PRKAR2A: variants seen among roughly 807,000 people sequenced by gnomAD.
The protein encoded by PRKAR2A is protein kinase cAMP-dependent type II regulatory subunit alpha.
Under a neutral mutation model 51.9 loss-of-function variants are expected in PRKAR2A, and 29 were observed. That is an observed-to-expected ratio of 0.56 (90% CI 0.42 to 0.76). The LOEUF (loss-of-function observed/expected upper bound fraction) is 0.76, where lower values mean the gene tolerates loss of function less well. Ranked by LOEUF, PRKAR2A falls within the 30% of genes least tolerant of loss-of-function variation. The pLI is 0.00. For synonymous variants in PRKAR2A, 178 were observed against 186.2 expected (o/e 0.96, Z 0.36); for missense variants, 445 against 512.1 (o/e 0.87, Z 1.26).
At chr3:48,791,936 A>G (rs1239880850) in intron 3 of PRKAR2A, among the ~76,000 whole-genome samples, 1 of 142,540 alleles carries the variant, frequency 7.0e-6, no homozygotes, top group Non-Finnish European at 1.5e-5. Context: ...AAAAAAAGAT[A>G]GTGTTAAATA....
intron 6 of PRKAR2A, among the ~76,000 whole-genome samples, chr3:48,766,488 C>T (rs952827065): frequency 6.6e-6 from 1 of 151,876 alleles, no homozygotes; most frequent in Non-Finnish European, 1.5e-5. Flanking sequence ...ATCACTTGAG[C>T]TCAGGAGGCT....
intron 1 of PRKAR2A, among the ~76,000 whole-genome samples, chr3:48,838,249 G>C (rs2083316394): frequency 6.6e-6 from 1 of 152,076 alleles, no homozygotes. Context: ...AAATGGTAGA[G>C]ACAAAAGTAG....
intron 1 of PRKAR2A, among the ~76,000 whole-genome samples, chr3:48,830,344 T>C (rs1359049454): frequency 6.6e-6 from 1 of 152,172 alleles, no homozygotes; most frequent in East Asian, 1.9e-4. Flanking sequence ...GGAAGGTCTT[T>C]AGGGGCAAAA....
At chr3:48,800,908 C>T (rs892774767) in intron 2 of PRKAR2A, among the ~76,000 whole-genome samples, 2 of 152,014 alleles carry the variant, frequency 1.3e-5, no homozygotes, top group African/African-American at 2.4e-5. Flanking sequence ...CTCCCGACCT[C>T]GTGATCCACC....
Position 48,847,095 on chromosome 3 carries a change from G to A in PRKAR2A, c.262+240C>T, listed in dbSNP as rs1001680323. ...CCGACAGCGCGCACGTTTCCTTCAAGGCTGGATCTGACAAATCACTCGGTG... is the reference window on the plus strand; with the variant it reads ...CCGACAGCGCGCACGTTTCCTTCAAAGCTGGATCTGACAAATCACTCGGTG... On this transcript the variant is annotated intron_variant, in intron 1 of 10. Transcript: ENST00000265563. The surrounding 1 kb of genome is among the most constrained non-coding windows in gnomAD (Gnocchi z 4.4). 2.6e-5 allele frequency among the ~76,000 whole-genome samples: 4 copies of A among 152,236 alleles called. No homozygotes were observed. Among genetic ancestry groups the A allele is most frequent in the African/African-American group, 9.6e-5 (4 of 41,470 alleles).
intron 1 of PRKAR2A, among the ~76,000 whole-genome samples, chr3:48,835,129 G>A (rs1343343048): frequency 6.6e-6 from 1 of 151,990 alleles, no homozygotes; most frequent in African/African-American, 2.4e-5. Flanking sequence ...ACACCACCAC[G>A]CCTGCAAATT....
In PRKAR2A at chr3:48,796,666, C is replaced by CG. The variant is rs1175449895; in HGVS notation, c.299-2618dup. Among the ~76,000 whole-genome samples the CG allele has an allele frequency of 8.6e-5, 9 of 104,048 alleles. No homozygotes were observed. In the Admixed American group the frequency reaches 1.0e-3, roughly 12 times the overall value. The allele number at this position is 104,048 out of a possible 152,430, so 68.3% of individuals were successfully genotyped here. On this transcript the variant is annotated intron_variant, in intron 2 of 10. Transcript: ENST00000265563. The stretch of plus-strand genomic sequence containing the variant: ...CTAATTTTTATATTTTTAGTAGAGA[C>CG]GGGGTTTTTTTTTTTTTTTTGCCAT...
intron 2 of PRKAR2A, among the ~76,000 whole-genome samples, chr3:48,799,841 T>G (rs2082557176): frequency 6.6e-6 from 1 of 152,188 alleles, no homozygotes; most frequent in Non-Finnish European, 1.5e-5. Context: ...AGTTGGGCTT[T>G]TTTTGACAAA....
intron 4 of PRKAR2A, among the ~76,000 whole-genome samples, chr3:48,788,866 T>TA (rs2107306080): frequency 6.6e-6 from 1 of 152,226 alleles, no homozygotes; most frequent in Non-Finnish European, 1.5e-5. Context: ...TATTTTGTTA[T>TA]AGCAGCCCAA....
At chr3:48,785,176 T>C (rs1426500398) in intron 4 of PRKAR2A, among the ~76,000 whole-genome samples, 1 of 151,160 alleles carries the variant, frequency 6.6e-6, no homozygotes, top group Non-Finnish European at 1.5e-5. Context: ...CTGCAACCTC[T>C]GCCTCCTGGG....
intron 6 of PRKAR2A, among the ~76,000 whole-genome samples, chr3:48,767,443 C>T (rs2081957374): frequency 6.6e-6 from 1 of 151,942 alleles, no homozygotes. Context: ...CATGCCACTG[C>T]ACTCCAGCCT....
chr3:48,798,925 T>G (rs1357399910), intron 2 of PRKAR2A, among the ~76,000 whole-genome samples: 1 of 152,194 alleles, frequency 6.6e-6, no homozygotes, highest in Non-Finnish European at 1.5e-5. Flanking sequence ...TCTCCCAAAA[T>G]GCTGGGATTA....
chr3:48,829,737 A>C (rs1215417577), intron 1 of PRKAR2A, among the ~76,000 whole-genome samples: 10 of 136,698 alleles, frequency 7.3e-5, no homozygotes, highest in African/African-American at 2.7e-4. Context: ...ATATACGTTT[A>C]TATATACGCA....
At chr3:48,798,752 C>G (rs535644752) in intron 2 of PRKAR2A, among the ~76,000 whole-genome samples, 1 of 151,848 alleles carries the variant, frequency 6.6e-6, no homozygotes, top group South Asian at 2.1e-4. Flanking sequence ...CCTAAGCCTC[C>G]CGGGTTCAGG....
intron 1 of PRKAR2A, among the ~76,000 whole-genome samples, chr3:48,818,454 T>C (rs1263219842): frequency 6.6e-6 from 1 of 152,188 alleles, no homozygotes; most frequent in Non-Finnish European, 1.5e-5. Flanking sequence ...GTTTGCATTC[T>C]AGCTTCAGAA....
intron 8 of PRKAR2A, among the ~76,000 whole-genome samples, chr3:48,760,863 G>C (rs1490928027): frequency 6.6e-6 from 1 of 150,642 alleles, no homozygotes; most frequent in East Asian, 2.0e-4. Flanking sequence ...AATTAGCTTA[G>C]TGTGGTGGCA....
intron 1 of PRKAR2A, among the ~76,000 whole-genome samples, chr3:48,829,306 G>C (rs1345654262): frequency 2.6e-5 from 4 of 151,374 alleles, no homozygotes; most frequent in African/African-American, 9.7e-5. Flanking sequence ...ATCACCTGAG[G>C]TCAGGAGTTC....
Position 48,847,638 on chromosome 3 carries a change from G to T in PRKAR2A, c.-42C>A. On this transcript the variant is annotated 5_prime_UTR_variant, in exon 1 of 11. Coordinates refer to ENST00000265563, the MANE Select transcript of PRKAR2A (RefSeq NM_004157.4). The surrounding 1 kb of genome is among the most constrained non-coding windows in gnomAD (Gnocchi z 4.4). ...GGGATAGACGGGTTGGGCCGCCGGC[G>T]GCCACTGTCTCCGCGCTCACTCACG... 7.1e-7 allele frequency: 1 copy of T among 1,404,850 alleles called. No homozygotes were observed. The highest frequency in any genetic ancestry group is 9.2e-7 in the Non-Finnish European group (1 of 1,085,222). The allele number at this position is 1,404,850 out of a possible 1,614,324, so 87.0% of individuals were successfully genotyped here.
In PRKAR2A at chr3:48,769,219, A is replaced by G. The variant is rs575751561; in HGVS notation, c.696+3736T>C. Among the ~76,000 whole-genome samples the G allele has an allele frequency of 4.3e-3, 620 of 144,696 alleles. 3 individuals carry two copies. Among genetic ancestry groups the G allele is most frequent in the Middle Eastern group, 0.022 (6 of 278 alleles). The allele number at this position is 144,696 out of a possible 152,430, so 94.9% of individuals were successfully genotyped here. A position where few individuals can be genotyped will look rare whatever the true frequency, so the allele number is the denominator to read the frequency against. ...GCCACCCAGGCTGGAGTGCAGTGGC[A>G]CAATCTCGGCTCACTGCAAGCTCCG... is the stretch of plus-strand genomic sequence containing the variant. On this transcript the variant is annotated intron_variant, in intron 6 of 10. Transcript: ENST00000265563.
Sources: gnomAD v4.1 joint callset for allele counts (sites outside exome capture counted in the v4.1 genomes callset) on GRCh38, gnomAD v4.1.1 for gene constraint, Gnocchi (gnomAD v3.1) non-coding constraint, MANE v1.5 for transcripts, NCBI Gene and HGNC (gene_info 2026-07-23, HGNC 2026-07-21) for gene names.